GALNT8: variants seen among roughly 807,000 people sequenced by gnomAD.
GALNT8 encodes the protein polypeptide N-acetylgalactosaminyltransferase 8.
In GALNT8, 66 loss-of-function variants were observed where a neutral mutation model predicts 62.7. The observed-to-expected ratio is 1.05, with a 90% confidence interval of 0.86 to 1.29. GALNT8 has a LOEUF of 1.29. Ranked by LOEUF, GALNT8 falls within the 50% of genes most tolerant of loss-of-function variation. The pLI is 0.00. For missense variants in GALNT8, 771 were observed against 791.8 expected (o/e 0.97, Z 0.32); for synonymous variants, 288 against 294.3 (o/e 0.98, Z 0.22).
chr12:4,725,679 C>T (rs1946192025), intron 1 of GALNT8, among the ~76,000 whole-genome samples: 1 of 151,784 alleles, frequency 6.6e-6, no homozygotes, highest in Non-Finnish European at 1.5e-5. Context: ...CCTCAGCCTC[C>T]CGAGTAGCTG....
intron 2 of GALNT8, among the ~76,000 whole-genome samples, chr12:4,730,071 C>T (rs894521411): frequency 6.6e-6 from 1 of 151,840 alleles, no homozygotes; most frequent in Non-Finnish European, 1.5e-5. Context: ...TTATTTTTCT[C>T]GTTATTGAGT....
At chr12:4,736,852 A>T (rs1946247650) in intron 2 of GALNT8, among the ~76,000 whole-genome samples, 5 of 152,206 alleles carry the variant, frequency 3.3e-5, no homozygotes, top group African/African-American at 9.6e-5. Flanking sequence ...ACAAGAGAAA[A>T]CAAAGCAACA....
intron 6 of GALNT8, 36 bp from the exon 7 acceptor site, chr12:4,760,922 G>A (rs776991597): frequency 6.9e-6 from 11 of 1,582,958 alleles, no homozygotes; most frequent in Middle Eastern, 1.7e-4. Context: ...TTCATTGGCT[G>A]TGAAGCACGG....
At chr12:4,728,991 C>T (rs774386332) in intron 2 of GALNT8, among the ~76,000 whole-genome samples, 21 of 152,124 alleles carry the variant, frequency 1.4e-4, no homozygotes, top group Non-Finnish European at 2.1e-4. Flanking sequence ...TTCCAATCCA[C>T]GGCTGTGAGA....
intron 9 of GALNT8, 93 bp downstream of exon 9, chr12:4,764,140 G>A (rs763235333): frequency 1.3e-6 from 1 of 785,514 alleles, no homozygotes; most frequent in Non-Finnish European, 2.3e-6. Flanking sequence ...CGTGATACGT[G>A]ATGGGGAGGC....
rs1363949836 is a variant in GALNT8 at position 4,772,621 on chromosome 12, G to T, written c.*24G>T. On this transcript the variant is annotated 3_prime_UTR_variant, in exon 11 of 11. Transcript: ENST00000252318. ...GATCCTCAGATGGTGCTGGATCTGG[G>T]TCATCAATTCTTGCAAGTGGAATGG... 1.9e-6 allele frequency: 3 copies of T among 1,586,950 alleles called. No individual in the cohort carries two copies. The East Asian group carries it at 6.7e-5, about 35-fold the overall frequency.
intron 3 of GALNT8, among the ~76,000 whole-genome samples, chr12:4,741,460 C>T (rs988467120): frequency 1.3e-5 from 2 of 152,108 alleles, no homozygotes; most frequent in Non-Finnish European, 2.9e-5. Context: ...AACACTCTGG[C>T]TCTGCTCCCT....
At chr12:4,760,415 T>A (rs993801925) in intron 6 of GALNT8, among the ~76,000 whole-genome samples, 2 of 152,214 alleles carry the variant, frequency 1.3e-5, no homozygotes, top group African/African-American at 4.8e-5. Flanking sequence ...TGCAGTGTAT[T>A]CATGATCCAT....
rs184674695 is a variant in GALNT8, at chr12:4,760,649, C to T, written c.1174-309C>T. On this transcript the variant is annotated intron_variant, in intron 6 of 10. Transcript: ENST00000252318. ...GAGAGTGGCTCAGGGCATGGTGCCTCTCAGGACATGGGCACTTTCCTTGGG... is the reference window on the plus strand; with the variant it reads ...GAGAGTGGCTCAGGGCATGGTGCCTTTCAGGACATGGGCACTTTCCTTGGG... Among the ~76,000 whole-genome samples the T allele has an allele frequency of 1.4e-4, 21 of 152,244 alleles. No homozygotes were observed. The East Asian group carries it at 4.1e-3, about 29-fold the overall frequency.
At chr12:4,759,797 A>G (rs556219514) in intron 6 of GALNT8, among the ~76,000 whole-genome samples, 7 of 152,258 alleles carry the variant, frequency 4.6e-5, no homozygotes, top group Admixed American at 6.5e-5. Flanking sequence ...TACCTTCCAG[A>G]AACTGCATCT....
intron 6 of GALNT8, among the ~76,000 whole-genome samples, chr12:4,756,845 CTT>C (rs899840605): frequency 1.3e-5 from 2 of 152,020 alleles, no homozygotes; most frequent in African/African-American, 4.8e-5. Context: ...GAAAACTAAC[CTT>C]TTTTGGATGG....
chr12:4,761,353 C>T lies in GALNT8; in HGVS notation c.1359+210C>T, dbSNP rs12370942. On this transcript the variant is annotated intron_variant, in intron 7 of 10. Coordinates refer to ENST00000252318, the MANE Select transcript of GALNT8 (RefSeq NM_017417.2). ...CTATATATTAACTTATTAGCCGTCA[C>T]AACATATGTAGGGGATAGGTTTTAT... 3.0e-3 allele frequency among the ~76,000 whole-genome samples: 455 copies of T among 152,242 alleles called. 3 individuals are homozygous for T. Among genetic ancestry groups the T allele is most frequent in the Non-Finnish European group, 5.4e-3 (366 of 68,024 alleles).
At position 4,745,478 on chromosome 12, in the gene GALNT8, T is replaced by A; in HGVS notation, c.910T>A (p.Ser304Thr). 1 of 1,613,042 alleles carries A rather than the reference T, an allele frequency of 6.2e-7. No homozygotes were observed. Among genetic ancestry groups the A allele is most frequent in the Non-Finnish European group, 8.5e-7 (1 of 1,178,972 alleles). ...TCAGGAGGACCGCACTGTGATTGTG[T>A]CTCCTGTGTTTGACAACATTCGTTT... is the stretch of plus-strand genomic sequence containing the variant. ...RIQEDRTVIV[S>T]PVFDNIRFDT... Residue 304 changes from serine to threonine, a missense_variant, in exon 5 of 11, where the codon TCT becomes ACT. Coordinates refer to ENST00000252318, the MANE Select transcript of GALNT8 (RefSeq NM_017417.2).
rs1213430605 is a variant in GALNT8, at chr12:4,765,535, G to T, written c.1750G>T (p.Asp584Tyr). 2 of 1,599,706 alleles carry T rather than the reference G, an allele frequency of 1.3e-6. No individual in the cohort carries two copies. The highest frequency in any genetic ancestry group is 2.7e-5 in the African/African-American group (2 of 74,014). Residue 584 changes from aspartate (D) to tyrosine (Y), a missense_variant, in exon 10 of 11, where the codon GAT becomes TAT. Transcript: ENST00000252318. ...TAAGAATAGACTGCATATATATTGGGATTTTAAACCGGTGAGTTATGTGTT... is the reference window on the plus strand; with the variant it reads ...TAAGAATAGACTGCATATATATTGGTATTTTAAACCGGTGAGTTATGTGTT... ...AAKNRLHIYWDFKPGGAVINR... is the reference protein window; with the variant it reads ...AAKNRLHIYWYFKPGGAVINR...
intron 6 of GALNT8, among the ~76,000 whole-genome samples, chr12:4,758,890 C>T (rs896323865): frequency 1.3e-5 from 2 of 151,970 alleles, no homozygotes; most frequent in Non-Finnish European, 2.9e-5. Flanking sequence ...GATTCTCCTG[C>T]CTCAGCTCCT....
At chr12:4,762,921 AAAAAG>A (rs1264961760) in intron 7 of GALNT8, among the ~76,000 whole-genome samples, 1 of 152,262 alleles carries the variant, frequency 6.6e-6, no homozygotes, top group Non-Finnish European at 1.5e-5. Flanking sequence ...ATAGACCAAA[AAAAAG>A]GGAAGTGACG....
At position 4,760,009 on chromosome 12, in the gene GALNT8, T is replaced by G. The variant is rs7313817; in HGVS notation, c.1174-949T>G. ...GGTCATAAGGCATTTGGTCAAGTTA[T>G]GCAAATTAGTTATCTATTGCTGTAT... On this transcript the variant is annotated intron_variant, in intron 6 of 10. Transcript: ENST00000252318. 3.5e-4 allele frequency among the ~76,000 whole-genome samples: 54 copies of G among 152,360 alleles called. No individual in the cohort carries two copies. The East Asian group carries it at 8.9e-3, about 25-fold the overall frequency.
At chr12:4,746,107 A>C in intron 5 of GALNT8, 37 bp from the exon 6 acceptor site, 5 of 1,213,696 alleles carry the variant, frequency 4.1e-6, no homozygotes, top group Non-Finnish European at 6.1e-6. Flanking sequence ...TCCGCTCCTT[A>C]TGGAGAGATT....
intron 1 of GALNT8, among the ~76,000 whole-genome samples, chr12:4,724,704 C>G (rs983765193): frequency 6.6e-6 from 1 of 152,192 alleles, no homozygotes; most frequent in Non-Finnish European, 1.5e-5. Flanking sequence ...AGAGACCTAC[C>G]ATTTACTTTT....
Sources: gnomAD v4.1 joint callset for allele counts (sites outside exome capture counted in the v4.1 genomes callset) on GRCh38, gnomAD v4.1.1 for gene constraint, MANE v1.5 for transcripts, NCBI Gene and HGNC (gene_info 2026-07-23, HGNC 2026-07-21) for gene names.